The following HERC1 variants were observed in gnomAD, a reference collection of about 807,000 sequenced individuals.
The protein encoded by HERC1 is HECT and RLD domain containing E3 ubiquitin protein ligase family member 1.
HERC1 carries 160 observed loss-of-function variants against 554.3 expected under a neutral mutation model. The ratio of observed to expected loss-of-function variants is 0.29; its 90% confidence interval spans 0.25 to 0.33. The LOEUF (loss-of-function observed/expected upper bound fraction) is 0.33, where lower values mean the gene tolerates loss of function less well. Ranked by LOEUF, HERC1 falls within the 10% of genes least tolerant of loss-of-function variation. HERC1 has a pLI of 1.00. For missense variants in HERC1, 4,919 were observed against 5,918.5 expected (o/e 0.83, Z 5.54); for synonymous variants, 2,175 against 2,131.7 (o/e 1.02, Z -0.56).
chr15:63,680,276 C>G lies in HERC1; in HGVS notation c.6466-116G>C, dbSNP rs190562191. On this transcript the variant is annotated intron_variant, in intron 35 of 77. Transcript: ENST00000443617. The surrounding 1 kb of genome is among the most constrained non-coding windows in gnomAD (Gnocchi z 5.8). The stretch of plus-strand genomic sequence containing the variant: ...TGAGACAGAACAAAAGTTACTAGAT[C>G]AAATTCTCAATTAACCTTGCTAACC... 300 of 801,744 alleles carry G rather than the reference C, an allele frequency of 3.7e-4. 4 individuals are homozygous for G. The African/African-American group carries it at 4.6e-3, about 12-fold the overall frequency. 49.7% of individuals were successfully genotyped at this position (801,744 alleles called of 1,614,324 possible).
rs763691973 is a variant in HERC1, at chr15:63,716,482, A to C, written c.3979-9T>G. ...TCCTGGTTTTCTGATATCTTAAAGA[A>C]ATTATCAGAAACTACACTAAATACA... On this transcript the variant is annotated splice_polypyrimidine_tract_variant and intron_variant, in intron 21 of 77. Transcript: ENST00000443617. The C allele has an allele frequency of 4.4e-6, 7 of 1,580,238 alleles. No individual in the cohort carries two copies. The highest frequency in any genetic ancestry group is 1.2e-5 in the South Asian group (1 of 84,788).
chr15:63,652,567 A>C (rs1566975224), intron 51 of HERC1, 26 bp from the exon 52 acceptor site: 1 of 1,512,964 alleles, frequency 6.6e-7, no homozygotes, highest in Middle Eastern at 1.7e-4. Flanking sequence ...CAGGTAGTCT[A>C]ATAATTTTCT....
chr15:63,717,275 C>T (rs1203457574), intron 21 of HERC1, among the ~76,000 whole-genome samples: 1 of 152,134 alleles, frequency 6.6e-6, no homozygotes, highest in Non-Finnish European at 1.5e-5. Context: ...CAAATTAATA[C>T]ATTTCATGGA....
Position 63,713,420 on chromosome 15 carries a change from G to C in HERC1, c.4396C>G (p.Arg1466Gly). 1 of 1,613,916 alleles carries C rather than the reference G, an allele frequency of 6.2e-7. No individual in the cohort carries two copies. The highest frequency in any genetic ancestry group is 1.3e-5 in the African/African-American group (1 of 74,998). ...VSPVIDELQK[R>G]REEGQLQQPS... ...TGCTGCAACTGTCCTTCTTCTCTTC[G>C]CTTCTGAAGCTCATCTATCACAGGA... is the stretch of plus-strand genomic sequence containing the variant. Residue 1466 changes from arginine (R) to glycine (G), a missense_variant, in exon 23 of 78, where the codon CGA becomes GGA. Coordinates refer to ENST00000443617, the MANE Select transcript of HERC1 (RefSeq NM_003922.4).
chr15:63,776,170 C>T (rs978304993), intron 1 of HERC1, among the ~76,000 whole-genome samples: 1 of 152,134 alleles, frequency 6.6e-6, no homozygotes, highest in Non-Finnish European at 1.5e-5. Context: ...TATCTCCAAC[C>T]CAGGCCTTCT....
chr15:63,656,526 C>G (rs943217427), intron 48 of HERC1, among the ~76,000 whole-genome samples, 168 bp from the exon 49 acceptor site: 1 of 152,228 alleles, frequency 6.6e-6, no homozygotes, highest in African/African-American at 2.4e-5. Flanking sequence ...AAGCTGGAAA[C>G]TGGCATCTAA....
Position 63,626,106 on chromosome 15 carries a change from TG to T in HERC1, c.13153del (p.Gln4385SerfsTer5). The T allele has an allele frequency of 1.9e-6, 3 of 1,613,604 alleles. No homozygotes were observed. The highest frequency in any genetic ancestry group is 1.7e-6 in the Non-Finnish European group (2 of 1,179,740). ...GCTGACTTCTCTCAGCGCCCCATAC[TG>T]GGGGGGCACTGTGTCAGGCAGGCCC... The part of the protein sequence containing the change: ...QLGLPDTVPP[Q>X]YGALREVSIH... On this transcript the variant is annotated frameshift_variant, in exon 71 of 78. Coordinates refer to ENST00000443617, the MANE Select transcript of HERC1 (RefSeq NM_003922.4). LOFTEE classifies it high-confidence loss of function.
rs1209403378 is a variant in HERC1 at position 63,700,262 on chromosome 15, T to C, written c.4637-1266A>G. On this transcript the variant is annotated intron_variant, in intron 25 of 77. Coordinates refer to ENST00000443617, the MANE Select transcript of HERC1 (RefSeq NM_003922.4). ...TCATCCACATTACTAAGTGTAACCA[T>C]GGTTCATTTATTTGATTGCTGTATA... Among the ~76,000 whole-genome samples, 4 of 152,154 alleles carry C rather than the reference T, an allele frequency of 2.6e-5. No homozygotes were observed. In the East Asian group the frequency reaches 7.7e-4, roughly 29 times the overall value.
At chr15:63,814,771 C>G (rs2077440314) in intron 1 of HERC1, among the ~76,000 whole-genome samples, 1 of 152,158 alleles carries the variant, frequency 6.6e-6, no homozygotes, top group East Asian at 1.9e-4. Flanking sequence ...ACACGGCCAA[C>G]ATTAGCTTTC....
At chr15:63,747,614 A>C in intron 11 of HERC1, 110 bp downstream of exon 11, 1 of 595,040 alleles carries the variant, frequency 1.7e-6, no homozygotes, top group East Asian at 3.1e-5. Flanking sequence ...AATTTGGGAA[A>C]CCAAACAAGA....
chr15:63,823,401 T>C (rs1211422111), intron 1 of HERC1, among the ~76,000 whole-genome samples: 1 of 152,242 alleles, frequency 6.6e-6, no homozygotes, highest in African/African-American at 2.4e-5. Flanking sequence ...ATCAGCCCTA[T>C]GACGTAGCAA....
chr15:63,744,221 T>C (rs913224497), intron 12 of HERC1, among the ~76,000 whole-genome samples: 22 of 149,506 alleles, frequency 1.5e-4, no homozygotes, highest in Non-Finnish European at 3.0e-4. Context: ...CACCTAAAGC[T>C]GGGGGTGGAG....
At position 63,758,814 on chromosome 15, in the gene HERC1, T is replaced by C. The variant is rs73450299; in HGVS notation, c.1027-445A>G. ...TGCACAAAAGAGTCATGCAAATCCA[T>C]GCCTACCTAGTCTTCATGATTGAAT... On this transcript the variant is annotated intron_variant, in intron 3 of 77. Coordinates refer to ENST00000443617, the MANE Select transcript of HERC1 (RefSeq NM_003922.4). This position sits in a 1 kb window ranked among gnomAD's most constrained non-coding sequence, Gnocchi z 4.0. 5.2e-3 allele frequency among the ~76,000 whole-genome samples: 794 copies of C among 152,310 alleles called. 3 individuals are homozygous for C. Among genetic ancestry groups the C allele is most frequent in the African/African-American group, 7.7e-3 (322 of 41,568 alleles).
chr15:63,702,324 C>A (rs1368935906), intron 25 of HERC1, among the ~76,000 whole-genome samples: 1 of 152,142 alleles, frequency 6.6e-6, no homozygotes, highest in Non-Finnish European at 1.5e-5. Context: ...TTCACCCATA[C>A]ATGTTATACC....
chr15:63,640,540 T>A (rs2068991525), intron 60 of HERC1, 95 bp from the exon 61 acceptor site: 1 of 1,035,466 alleles, frequency 9.7e-7, no homozygotes, highest in Non-Finnish European at 1.4e-6. Context: ...ATCATATTTT[T>A]CAAGTTTACT....
At chr15:63,723,478 A>G in intron 18 of HERC1, 123 bp from the exon 19 acceptor site, 1 of 678,156 alleles carries the variant, frequency 1.5e-6, no homozygotes, top group Non-Finnish European at 2.4e-6. Flanking sequence ...AGTAGATGCT[A>G]CCAAGGTAAA....
intron 71 of HERC1, 125 bp from the exon 72 acceptor site, chr15:63,624,452 T>A: frequency 1.3e-6 from 1 of 789,530 alleles, no homozygotes; most frequent in Non-Finnish European, 2.0e-6. Context: ...GTCCCAGCAC[T>A]TTGGGAGGCT....
chr15:63,650,323 G>A (rs934432473), intron 53 of HERC1, among the ~76,000 whole-genome samples: 3 of 151,988 alleles, frequency 2.0e-5, no homozygotes, highest in Admixed American at 6.6e-5. Context: ...GCAGTGAGCC[G>A]AGATCACGCC....
At chr15:63,704,593 A>T (rs1246172333) in intron 25 of HERC1, among the ~76,000 whole-genome samples, 1 of 152,192 alleles carries the variant, frequency 6.6e-6, no homozygotes, top group East Asian at 1.9e-4. Flanking sequence ...AAACAAAATT[A>T]GGAAAGTAAA....
Sources: gnomAD v4.1 joint callset for allele counts (sites outside exome capture counted in the v4.1 genomes callset) on GRCh38, gnomAD v4.1.1 for gene constraint, Gnocchi (gnomAD v3.1) non-coding constraint, MANE v1.5 for transcripts, NCBI Gene and HGNC (gene_info 2026-07-23, HGNC 2026-07-21) for gene names.